STK10: variants seen among roughly 807,000 people sequenced by gnomAD.
STK10 encodes the protein serine/threonine kinase 10, also known as serine/threonine-protein kinase 10.
STK10 carries 78 observed loss-of-function variants against 113.8 expected under a neutral mutation model. The observed-to-expected ratio is 0.69, with a 90% CI of 0.57 to 0.83. STK10 has a LOEUF of 0.83. STK10 is among the 40% of genes least tolerant of loss of function. The pLI, the probability that STK10 is intolerant of heterozygous loss-of-function variation, is 0.00. For missense variants in STK10, 1,109 were observed against 1,280.1 expected (o/e 0.87, Z 2.04); for synonymous variants, 465 against 494.7 (o/e 0.94, Z 0.80).
At chr5:172,125,569 G>C (rs976192930) in intron 3 of STK10, among the ~76,000 whole-genome samples, 2 of 152,126 alleles carry the variant, frequency 1.3e-5, no homozygotes, top group African/African-American at 4.8e-5. Context: ...ATATTTTGTA[G>C]AGATGGGTTT....
chr5:172,046,371 A>G (rs1767495392), intron 18 of STK10, among the ~76,000 whole-genome samples: 1 of 151,638 alleles, frequency 6.6e-6, no homozygotes, highest in African/African-American at 2.4e-5. Flanking sequence ...AAAAAAAAAA[A>G]AATTTTTTTT....
intron 12 of STK10, among the ~76,000 whole-genome samples, chr5:172,066,324 A>T (rs1039190355): frequency 1.3e-5 from 2 of 150,132 alleles, no homozygotes; most frequent in Non-Finnish European, 3.0e-5. Context: ...TAAGTTTCCT[A>T]TTTTTTTTTT....
intron 2 of STK10, among the ~76,000 whole-genome samples, chr5:172,134,084 C>G (rs1769807233): frequency 6.6e-6 from 1 of 152,218 alleles, no homozygotes; most frequent in Non-Finnish European, 1.5e-5. Context: ...TTGAGAACTA[C>G]TGCTCAATGG....
At chr5:172,161,283 C>A (rs1162229019) in intron 1 of STK10, among the ~76,000 whole-genome samples, 1 of 152,072 alleles carries the variant, frequency 6.6e-6, no homozygotes, top group Non-Finnish European at 1.5e-5. Context: ...GAAACCTCGT[C>A]TCTACTAAAA....
chr5:172,052,041 C>T (rs1767640195), intron 18 of STK10, among the ~76,000 whole-genome samples: 1 of 152,238 alleles, frequency 6.6e-6, no homozygotes, highest in Non-Finnish European at 1.5e-5. Context: ...ACTCTCCCCG[C>T]TCCTCTGCGT....
intron 3 of STK10, among the ~76,000 whole-genome samples, chr5:172,121,215 G>A (rs1769503252): frequency 6.6e-6 from 1 of 151,938 alleles, no homozygotes. Flanking sequence ...ACTATTAGTA[G>A]AGACGGGGTT....
At chr5:172,156,340 G>A (rs988166295) in intron 2 of STK10, among the ~76,000 whole-genome samples, 2 of 152,234 alleles carry the variant, frequency 1.3e-5, no homozygotes, top group African/African-American at 4.8e-5. Context: ...GCATGGAGAG[G>A]TTAGGAACTT....
chr5:172,159,868 T>C lies in STK10; in HGVS notation c.157-3080A>G, dbSNP rs184658993. Among the ~76,000 whole-genome samples the C allele has an allele frequency of 6.6e-4, 100 of 152,292 alleles. 2 individuals carry two copies. The East Asian group carries it at 0.018, about 27-fold the overall frequency. On this transcript the variant is annotated intron_variant, in intron 1 of 18. Coordinates refer to ENST00000176763, the MANE Select transcript of STK10 (RefSeq NM_005990.4). ...AAAGAAAGAAAAAGGCCGGGCGCAGTGGCTCATGCCTGTAATCCCAGCACT... is the reference window on the plus strand; with the variant it reads ...AAAGAAAGAAAAAGGCCGGGCGCAGCGGCTCATGCCTGTAATCCCAGCACT...
At chr5:172,050,755 C>T (rs1483892078) in intron 18 of STK10, among the ~76,000 whole-genome samples, 1 of 151,822 alleles carries the variant, frequency 6.6e-6, no homozygotes, top group African/African-American at 2.4e-5. Flanking sequence ...ATCTGTCACC[C>T]AGGCGGGAGT....
chr5:172,071,341 CAAA>C (rs58271522), intron 12 of STK10, among the ~76,000 whole-genome samples: 2 of 53,878 alleles, frequency 3.7e-5, no homozygotes, highest in Non-Finnish European at 6.5e-5. Flanking sequence ...GGATAGGTAG[CAAA>C]AAAAAAAAAA....
Position 172,107,864 on chromosome 5 carries a change from A to T in STK10, c.521-12T>A. On this transcript the variant is annotated splice_polypyrimidine_tract_variant and intron_variant, in intron 4 of 18. Coordinates refer to ENST00000176763, the MANE Select transcript of STK10 (RefSeq NM_005990.4). The stretch of plus-strand genomic sequence containing the variant: ...CACACCAAAGTCAGCTGCAAGACAA[A>T]ATCTCAGCTAGCGTTTTCCACCCAT... 1.9e-6 allele frequency: 3 copies of T among 1,613,962 alleles called. No individual in the cohort carries two copies. Among genetic ancestry groups the T allele is most frequent in the Non-Finnish European group, 2.5e-6 (3 of 1,179,848 alleles).
At chr5:172,067,513 C>T (rs990607790) in intron 12 of STK10, among the ~76,000 whole-genome samples, 9 of 151,882 alleles carry the variant, frequency 5.9e-5, no homozygotes, top group East Asian at 5.8e-4. Flanking sequence ...ATGTCAGCTC[C>T]GGGATGACAC....
At chr5:172,096,389 C>T in intron 8 of STK10, 37 bp downstream of exon 8, 1 of 1,604,242 alleles carries the variant, frequency 6.2e-7, no homozygotes, top group Non-Finnish European at 8.5e-7. Context: ...ATCCTGTCCT[C>T]CCAGCCCCCG....
At position 172,053,021 on chromosome 5, in the gene STK10, C is replaced by T. The variant is rs760707146; in HGVS notation, c.2674G>A (p.Val892Ile). 5 of 1,614,102 alleles carry T rather than the reference C, an allele frequency of 3.1e-6. No individual in the cohort carries two copies. Among genetic ancestry groups the T allele is most frequent in the Middle Eastern group, 1.7e-4 (1 of 6,060 alleles). The change falls in exon 18 of 19, where the codon GTA becomes ATA. Residue 892 changes from valine to isoleucine, a missense_variant. Physicochemically the swap from Val to Ile is conservative, Grantham distance 29 (BLOSUM62 3). Around this residue, in one of 5 missense-constraint regions of STK10, gnomAD observed 885 missense variants for 991.1 expected, o/e 0.89. Transcript: ENST00000176763. ...TTCAGTTTCTGGGTTTCGTGCTCTACCAGGAGGTGGCACTTTTCATTCTGG... is the reference window on the plus strand; with the variant it reads ...TTCAGTTTCTGGGTTTCGTGCTCTATCAGGAGGTGGCACTTTTCATTCTGG... ...QLQNEKCHLLVEHETQKLKAL... is the reference protein window; with the variant it reads ...QLQNEKCHLLIEHETQKLKAL...
At chr5:172,157,585 TA>T (rs1770377433) in intron 1 of STK10, among the ~76,000 whole-genome samples, 2 of 152,116 alleles carry the variant, frequency 1.3e-5, no homozygotes, top group African/African-American at 2.4e-5. Flanking sequence ...TAAATCTGTT[TA>T]AAAATTTTTT....
At chr5:172,087,632 T>G (rs1561801954) in intron 10 of STK10, among the ~76,000 whole-genome samples, 2 of 99,354 alleles carry the variant, frequency 2.0e-5, no homozygotes, top group African/African-American at 9.9e-5. Flanking sequence ...TATTTTTTTT[T>G]TTTTTTTGAG....
At chr5:172,111,523 G>C (rs1207403708) in intron 4 of STK10, among the ~76,000 whole-genome samples, 1 of 152,226 alleles carries the variant, frequency 6.6e-6, no homozygotes, top group Non-Finnish European at 1.5e-5. Context: ...CCACCTTGCA[G>C]CCCAGAGAAC....
At chr5:172,078,839 GT>G (rs1190282640) in intron 12 of STK10, among the ~76,000 whole-genome samples, 10 of 152,032 alleles carry the variant, frequency 6.6e-5, no homozygotes, top group Admixed American at 5.9e-4. Context: ...GTCCAACTTT[GT>G]TAAGGGCAAG....
chr5:172,185,025 G>A (rs562517895), intron 1 of STK10, among the ~76,000 whole-genome samples: 194 of 152,222 alleles, frequency 1.3e-3, no homozygotes, highest in African/African-American at 4.3e-3. Context: ...AGACAGTATC[G>A]ATTGTGGATC....
Sources: allele counts gnomAD v4.1 joint callset (sites outside exome capture counted in the v4.1 genomes callset), GRCh38; gene constraint gnomAD v4.1.1; regional missense constraint gnomAD v4.1.1; transcripts MANE v1.5; gene names NCBI Gene and HGNC (gene_info 2026-07-23, HGNC 2026-07-21).